CAPN3: variants seen among roughly 807,000 people sequenced by gnomAD.
CAPN3 encodes the protein calpain 3.
In CAPN3, 88 loss-of-function variants were observed where a neutral mutation model predicts 114.0. The observed-to-expected ratio is 0.77, with a 90% CI of 0.65 to 0.92. CAPN3 has a LOEUF of 0.92. Among genes scored for constraint, CAPN3 ranks in the 40% least tolerant of loss-of-function variants. CAPN3 has a pLI of 0.00. For synonymous variants in CAPN3, 386 were observed against 382.9 expected (o/e 1.01, Z -0.09); for missense variants, 1,028 against 1,069.0 (o/e 0.96, Z 0.53).
rs2054009911 is a variant in CAPN3 at position 42,406,002 on chromosome 15, A to G, written c.1800+59A>G. On this transcript the variant is annotated intron_variant, in intron 15 of 23. Coordinates refer to ENST00000397163, the MANE Select transcript of CAPN3 (RefSeq NM_000070.3). ...TACTCATGCATATGTATGTGCATGC[A>G]TGTGAAGTGTGCATGTGTGAGCTCA... The G allele has an allele frequency of 9.1e-6, 13 of 1,430,994 alleles. No homozygotes were observed. The South Asian group carries it at 1.5e-4, about 16-fold the overall frequency. 88.6% of individuals were successfully genotyped at this position (1,430,994 alleles called of 1,614,324 possible).
At chr15:42,390,790 GT>G (rs373599109) in intron 6 of CAPN3, among the ~76,000 whole-genome samples, 2,044 of 110,218 alleles carry the variant, frequency 0.019, 15 homozygotes, top group African/African-American at 0.059. Flanking sequence ...TTGTTTTTTT[GT>G]TTTTTTTTTT....
chr15:42,403,821 C>T, intron 14 of CAPN3, 44 bp downstream of exon 14: 1 of 1,569,154 alleles, frequency 6.4e-7, no homozygotes, highest in Non-Finnish European at 8.8e-7. Flanking sequence ...AGAGGGTCCC[C>T]TTCCCTGACC....
intron 1 of CAPN3, among the ~76,000 whole-genome samples, chr15:42,366,680 A>C (rs2052784877): frequency 6.6e-6 from 1 of 152,132 alleles, no homozygotes; most frequent in Admixed American, 6.6e-5. Flanking sequence ...GAAGAAAAGA[A>C]AGAAAAACAC....
chr15:42,370,027 C>A (rs1217243806), intron 1 of CAPN3, among the ~76,000 whole-genome samples: 2 of 151,972 alleles, frequency 1.3e-5, no homozygotes, highest in Non-Finnish European at 2.9e-5. Context: ...TGCCCGGCAC[C>A]ACGCTTGGCT....
At chr15:42,383,163 G>A (rs1419136867) in intron 1 of CAPN3, among the ~76,000 whole-genome samples, 1 of 152,190 alleles carries the variant, frequency 6.6e-6, no homozygotes, top group Non-Finnish European at 1.5e-5. Flanking sequence ...ACCCCTGAGT[G>A]CAGGAGCTTC....
chr15:42,387,086 G>A (rs996990406), intron 3 of CAPN3, among the ~76,000 whole-genome samples: 3 of 152,116 alleles, frequency 2.0e-5, no homozygotes, highest in African/African-American at 7.2e-5. Flanking sequence ...TATTTAAAGG[G>A]TCTCAGATCT....
At chr15:42,402,381 G>A in intron 12 of CAPN3, 1 of 1,452,374 alleles carries the variant, frequency 6.9e-7, no homozygotes, top group Non-Finnish European at 9.0e-7. Flanking sequence ...ACATGCCTTT[G>A]CACACTCACC....
At chr15:42,395,722 G>A (rs896828722) in intron 8 of CAPN3, among the ~76,000 whole-genome samples, 1 of 152,194 alleles carries the variant, frequency 6.6e-6, no homozygotes, top group Non-Finnish European at 1.5e-5. Context: ...CTGGAGACAA[G>A]TGGACCCAAC....
In CAPN3 at chr15:42,412,221, A is replaced by G; in HGVS notation, c.*448A>G. 6.5e-7 allele frequency: 1 copy of G among 1,529,086 alleles called. No homozygotes were observed. The highest frequency in any genetic ancestry group is 8.8e-7 in the Non-Finnish European group (1 of 1,140,884). The allele number at this position is 1,529,086 out of a possible 1,614,324, so 94.7% of individuals were successfully genotyped here. A position where few individuals can be genotyped will look rare whatever the true frequency, so the allele number is the denominator to read the frequency against. On this transcript the variant is annotated 3_prime_UTR_variant, in exon 24 of 24. Coordinates refer to ENST00000397163, the MANE Select transcript of CAPN3 (RefSeq NM_000070.3). The stretch of plus-strand genomic sequence containing the variant: ...CTACTGCTGTGGGGTAAACTAACTC[A>G]GTGGAATAGGGCTGGTTACTTTGGG...
chr15:42,404,918 C>T, intron 14 of CAPN3: 1 of 1,004,118 alleles, frequency 1.0e-6, no homozygotes, highest in Non-Finnish European at 1.2e-6. Context: ...TTGATCAGGA[C>T]CTGCAAACCC....
Position 42,409,339 on chromosome 15 carries a change from C to T in CAPN3, c.1951C>T (p.Gln651Ter). 1 of 1,614,218 alleles carries T rather than the reference C, an allele frequency of 6.2e-7. No homozygotes were observed. Among genetic ancestry groups the T allele is most frequent in the Non-Finnish European group, 8.5e-7 (1 of 1,180,024 alleles). The change falls in exon 17 of 24, where the codon CAG becomes TAG. Residue 651 changes from glutamine (Q) to a stop codon, truncating the protein, a stop_gained. Coordinates refer to ENST00000397163, the MANE Select transcript of CAPN3 (RefSeq NM_000070.3). LOFTEE classifies it high-confidence loss of function. Reference sequence around the variant, plus strand: ...CAGCTCTGATCAGGAAAGTGAGGAACAGCAACAATTCCGGAACATTTTCAA... The same window carrying T: ...CAGCTCTGATCAGGAAAGTGAGGAATAGCAACAATTCCGGAACATTTTCAA... ...PGSSDQESEE[Q>*]QQFRNIFKQI...
At chr15:42,385,935 G>C in intron 2 of CAPN3, 1 of 711,324 alleles carries the variant, frequency 1.4e-6, no homozygotes, top group Non-Finnish European at 2.6e-6. Context: ...CAGCCTTGAG[G>C]AAAATGTCTA....
intron 1 of CAPN3, among the ~76,000 whole-genome samples, chr15:42,367,511 A>C (rs1163609361): frequency 6.6e-6 from 1 of 152,260 alleles, no homozygotes; most frequent in East Asian, 1.9e-4. Context: ...TATATACTCC[A>C]GAACACCAGA....
rs17764849 is a variant in CAPN3, at chr15:42,403,677, C to T, written c.1746-64C>T. Reference sequence around the variant, plus strand: ...CAGGAAGCCGTGCACCAGAGCAAACCGTCCACGGGCCTCCTGCTTGCTTCT... The same window carrying T: ...CAGGAAGCCGTGCACCAGAGCAAACTGTCCACGGGCCTCCTGCTTGCTTCT... On this transcript the variant is annotated intron_variant, in intron 13 of 23. Transcript: ENST00000397163. The T allele has an allele frequency of 0.035, 52,639 of 1,484,508 alleles. 1,077 individuals are homozygous for T. Among genetic ancestry groups the T allele is most frequent in the African/African-American group, 0.048 (3,488 of 72,456 alleles). The allele number at this position is 1,484,508 out of a possible 1,614,324, so 92.0% of individuals were successfully genotyped here. A position where few individuals can be genotyped will look rare whatever the true frequency, so the allele number is the denominator to read the frequency against.
At chr15:42,369,125 G>A (rs2141121508) in intron 1 of CAPN3, among the ~76,000 whole-genome samples, 1 of 152,296 alleles carries the variant, frequency 6.6e-6, no homozygotes, top group Middle Eastern at 3.4e-3. Flanking sequence ...ATGTTTCTGT[G>A]TGGAGGAGAA....
rs1245173675 is a variant in CAPN3 at position 42,402,661 on chromosome 15, G to A, written c.1537-133G>A. On this transcript the variant is annotated intron_variant, in intron 12 of 23. Coordinates refer to ENST00000397163, the MANE Select transcript of CAPN3 (RefSeq NM_000070.3). ...TAGGGAGGCTATTTAAGCCTTGGGA[G>A]TCGGAAGTAGGGAGGTTGAAACTGT... is the stretch of plus-strand genomic sequence containing the variant. 3.2e-6 allele frequency: 5 copies of A among 1,547,320 alleles called. No individual in the cohort carries two copies. The African/African-American group carries it at 6.8e-5, about 21-fold the overall frequency.
chr15:42,390,450 A>G (rs1279972244), intron 6 of CAPN3, among the ~76,000 whole-genome samples: 1 of 152,156 alleles, frequency 6.6e-6, no homozygotes, highest in Non-Finnish European at 1.5e-5. Context: ...TTGAGCTCCT[A>G]CTATGTTCCA....
intron 6 of CAPN3, among the ~76,000 whole-genome samples, chr15:42,392,148 C>T (rs1337836507): frequency 6.6e-6 from 1 of 151,972 alleles, no homozygotes; most frequent in Non-Finnish European, 1.5e-5. Context: ...CTGGGCGACA[C>T]AGCAAGACTC....
chr15:42,388,967 C>A lies in CAPN3; in HGVS notation c.672C>A (p.Thr224=). 1.9e-6 allele frequency: 3 copies of A among 1,613,986 alleles called. No homozygotes were observed. Among genetic ancestry groups the A allele is most frequent in the East Asian group, 4.5e-5 (2 of 44,872 alleles). The part of the protein sequence containing the change: ...GSYEALKGGN[T]TEAMEDFTGG... ...ACGAAGCTCTGAAAGGTGGGAACAC[C>A]ACAGAGGCCATGGAGGACTTCACAG... The change falls in exon 5 of 24, where the codon ACC becomes ACA. Residue 224 remains threonine, a synonymous_variant. Transcript: ENST00000397163.
Sources: gnomAD v4.1 joint callset for allele counts (sites outside exome capture counted in the v4.1 genomes callset) on GRCh38, gnomAD v4.1.1 for gene constraint, MANE v1.5 for transcripts, NCBI Gene and HGNC (gene_info 2026-07-23, HGNC 2026-07-21) for gene names.